TRAF3: variants seen among roughly 807,000 people sequenced by gnomAD.
The protein encoded by TRAF3 is TNF receptor associated factor 3, also known as TNF receptor-associated factor 3.
In TRAF3, 13 loss-of-function variants were observed where a neutral mutation model predicts 62.3. That is an observed-to-expected ratio of 0.21 (90% CI 0.14 to 0.33). The LOEUF (loss-of-function observed/expected upper bound fraction) is 0.33, where lower values mean the gene tolerates loss of function less well. Ranked by LOEUF, TRAF3 falls within the 10% of genes least tolerant of loss-of-function variation. The pLI, the probability that TRAF3 is intolerant of heterozygous loss-of-function variation, is 1.00. For synonymous variants in TRAF3, 269 were observed against 283.4 expected, an observed-to-expected ratio of 0.95 and a Z score of 0.51; for missense variants, 440 against 741.8, an observed-to-expected ratio of 0.59 and a Z score of 4.73.
At chr14:102,881,024 C>T (rs1337075323) in intron 6 of TRAF3, among the ~76,000 whole-genome samples, 3 of 151,886 alleles carry the variant, frequency 2.0e-5, no homozygotes, top group Admixed American at 2.0e-4. Flanking sequence ...ACTCAGGAGG[C>T]GTAGGTTGCA....
chr14:102,812,092 C>T (rs895546061), intron 1 of TRAF3, among the ~76,000 whole-genome samples: 2 of 151,756 alleles, frequency 1.3e-5, no homozygotes, highest in African/African-American at 2.4e-5. Context: ...TAACTGCAGT[C>T]ATCCGACAGT....
In TRAF3 at chr14:102,905,667, C is replaced by A; in HGVS notation, c.1590C>A (p.Ile530=). The change falls in exon 12 of 12, where the codon ATC becomes ATA. Residue 530 remains isoleucine, a synonymous_variant. Coordinates refer to ENST00000392745, the MANE Select transcript of TRAF3 (RefSeq NM_145725.3). ...AGAAGCCCACTGGAGAGATGAATATCGCCTCTGGCTGCCCAGTCTTTGTGG... is the reference window on the plus strand; with the variant it reads ...AGAAGCCCACTGGAGAGATGAATATAGCCTCTGGCTGCCCAGTCTTTGTGG... The part of the protein sequence containing the change: ...SFKKPTGEMN[I]ASGCPVFVAQ... The A allele has an allele frequency of 6.2e-7, 1 of 1,612,986 alleles. No homozygotes were observed.
chr14:102,841,808 A>C (rs955744865), intron 2 of TRAF3, among the ~76,000 whole-genome samples: 1 of 152,226 alleles, frequency 6.6e-6, no homozygotes, highest in African/African-American at 2.4e-5. Flanking sequence ...GGATGATGCA[A>C]TTAGCACACA....
At chr14:102,884,064 G>A (rs1013287144) in intron 6 of TRAF3, among the ~76,000 whole-genome samples, 1 of 152,206 alleles carries the variant, frequency 6.6e-6, no homozygotes, top group African/African-American at 2.4e-5. Context: ...TTGGTGGCTT[G>A]CAAAAAACAA....
At chr14:102,898,738 T>G (rs538960459) in intron 10 of TRAF3, among the ~76,000 whole-genome samples, 1 of 152,394 alleles carries the variant, frequency 6.6e-6, no homozygotes, top group East Asian at 1.9e-4. Flanking sequence ...TCTGCATTCA[T>G]CTTCAGTTTC....
chr14:102,870,514 C>G, intron 3 of TRAF3, 68 bp downstream of exon 3: 1 of 1,582,134 alleles, frequency 6.3e-7, no homozygotes, highest in South Asian at 1.1e-5. Flanking sequence ...CTCCTTCATT[C>G]GTTTCTCTAA....
intron 2 of TRAF3, among the ~76,000 whole-genome samples, chr14:102,862,509 C>G (rs1162688615): frequency 1.3e-5 from 2 of 151,406 alleles, no homozygotes; most frequent in Admixed American, 1.3e-4. Context: ...AGTTGTTAAT[C>G]TTACTGAGAA....
intron 1 of TRAF3, among the ~76,000 whole-genome samples, chr14:102,787,644 G>T (rs903625898): frequency 6.6e-6 from 1 of 152,128 alleles, no homozygotes; most frequent in South Asian, 2.1e-4. Context: ...CCGAGATGGC[G>T]CTACTGCACT....
chr14:102,903,785 C>T lies in TRAF3; in HGVS notation c.1135+356C>T, dbSNP rs1431031623. On this transcript the variant is annotated intron_variant, in intron 11 of 11. Transcript: ENST00000392745. This position sits in a 1 kb window ranked among gnomAD's most constrained non-coding sequence, Gnocchi z 6.4. ...GGCCAGGACCTGCTGGTCGGGGCGC[C>T]CCAGACCCCACTCCTAAGGGCCAGG... is the stretch of plus-strand genomic sequence containing the variant. The T allele has an allele frequency of 4.1e-6, 2 of 485,192 alleles. No homozygotes were observed. Among genetic ancestry groups the T allele is most frequent in the Non-Finnish European group, 8.1e-6 (2 of 246,682 alleles). The allele number at this position is 485,192 out of a possible 1,614,324, so 30.1% of individuals were successfully genotyped here.
chr14:102,868,413 T>G (rs74325259), intron 2 of TRAF3, among the ~76,000 whole-genome samples: 2 of 152,250 alleles, frequency 1.3e-5, no homozygotes, highest in East Asian at 3.9e-4. Context: ...CCAAGGTACA[T>G]GGGAGTACAG....
intron 10 of TRAF3, among the ~76,000 whole-genome samples, chr14:102,902,855 G>A (rs1890372577): frequency 6.6e-6 from 1 of 152,180 alleles, no homozygotes; most frequent in African/African-American, 2.4e-5. Context: ...CTGTGAAACA[G>A]GGAAGCCTGC....
chr14:102,887,292 T>G (rs1889448458), intron 7 of TRAF3, among the ~76,000 whole-genome samples: 1 of 152,190 alleles, frequency 6.6e-6, no homozygotes, highest in South Asian at 2.1e-4. Flanking sequence ...AGCCTGAAAT[T>G]TTACCACTGG....
chr14:102,851,254 C>G (rs907723740), intron 2 of TRAF3, among the ~76,000 whole-genome samples: 1 of 151,568 alleles, frequency 6.6e-6, no homozygotes, highest in African/African-American at 2.4e-5. Context: ...ATTTTTATAC[C>G]CATATATAAG....
rs149117748 is a variant in TRAF3, at chr14:102,861,337, G to A, written c.-17-8848G>A. Among the ~76,000 whole-genome samples the A allele has an allele frequency of 3.9e-3, 598 of 152,308 alleles. 4 individuals are homozygous for A. Among genetic ancestry groups the A allele is most frequent in the Middle Eastern group, 0.017 (5 of 294 alleles). On this transcript the variant is annotated intron_variant, in intron 2 of 11. Coordinates refer to ENST00000392745, the MANE Select transcript of TRAF3 (RefSeq NM_145725.3). ...GCCAAACTGGTTCTTAGTCGAGAGGGACTCTACTGAGAGGGGCCTCCAACC... is the reference window on the plus strand; with the variant it reads ...GCCAAACTGGTTCTTAGTCGAGAGGAACTCTACTGAGAGGGGCCTCCAACC...
intron 10 of TRAF3, among the ~76,000 whole-genome samples, chr14:102,901,094 TTTTA>T (rs1319156677): frequency 6.6e-6 from 1 of 152,196 alleles, no homozygotes; most frequent in Non-Finnish European, 1.5e-5. Context: ...TGGAGACGCC[TTTTA>T]TTTAGTCGTG....
At chr14:102,881,770 T>C (rs1296919349) in intron 6 of TRAF3, among the ~76,000 whole-genome samples, 5 of 152,220 alleles carry the variant, frequency 3.3e-5, no homozygotes, top group African/African-American at 2.4e-5. Flanking sequence ...ATCAAAGTTA[T>C]ATTTTGCTTC....
chr14:102,903,441 G>A lies in TRAF3; in HGVS notation c.1135+12G>A. ...GGCTCGGAACACAGGTGAGGCAGGG[G>A]CCGGGGCCGGGCCAGCAGTGTGCAT... On this transcript the variant is annotated intron_variant, in intron 11 of 11. Transcript: ENST00000392745. The surrounding 1 kb of genome is among the most constrained non-coding windows in gnomAD (Gnocchi z 6.4). The A allele has an allele frequency of 6.2e-7, 1 of 1,613,182 alleles. No individual in the cohort carries two copies. The highest frequency in any genetic ancestry group is 8.5e-7 in the Non-Finnish European group (1 of 1,179,772).
rs1281267016 is a variant in TRAF3, at chr14:102,826,647, T to TA, written c.-156-3686dup. On this transcript the variant is annotated intron_variant, in intron 1 of 11. Transcript: ENST00000392745. This position sits in a 1 kb window ranked among gnomAD's most constrained non-coding sequence, Gnocchi z 4.6. ...AGAGGTCTGACATGTCATTTCCTGT[T>TA]ACTAGAATTGGGGAGTGACCAGTAG... is the stretch of plus-strand genomic sequence containing the variant. Among the ~76,000 whole-genome samples, 1 of 152,202 alleles carries TA rather than the reference T, an allele frequency of 6.6e-6. No homozygotes were observed. Among genetic ancestry groups the TA allele is most frequent in the East Asian group, 1.9e-4 (1 of 5,196 alleles).
chr14:102,865,909 G>A (rs535589150), intron 2 of TRAF3: 1 of 152,380 alleles, frequency 6.6e-6, no homozygotes, highest in African/African-American at 2.4e-5. Context: ...GAGAAGATTA[G>A]CATGGCCCCT....
Sources: gnomAD v4.1 joint callset for allele counts (sites outside exome capture counted in the v4.1 genomes callset) on GRCh38, gnomAD v4.1.1 for gene constraint, Gnocchi (gnomAD v3.1) non-coding constraint, MANE v1.5 for transcripts, NCBI Gene and HGNC (gene_info 2026-07-23, HGNC 2026-07-21) for gene names.